The following UTP15 variants were observed in gnomAD, a reference collection of about 807,000 sequenced individuals.
UTP15 encodes the protein U3 small nucleolar RNA-associated protein 15 homolog.
UTP15 carries 5 observed loss-of-function variants against 59.1 expected under a neutral mutation model. That is an observed-to-expected ratio of 0.08 (90% CI 0.04 to 0.18). The LOEUF is 0.18. Among genes scored for constraint, UTP15 ranks in the 10% least tolerant of loss-of-function variants. The pLI is 1.00. For synonymous variants in UTP15, 211 were observed against 212.2 expected, an observed-to-expected ratio of 0.99 and a Z score of 0.05; for missense variants, 494 against 616.7, an observed-to-expected ratio of 0.80 and a Z score of 2.11.
At chr5:73,571,889 C>T (rs564015182) in intron 6 of UTP15, among the ~76,000 whole-genome samples, 3 of 152,302 alleles carry the variant, frequency 2.0e-5, no homozygotes, top group African/African-American at 7.2e-5. Context: ...AAGCTGTGTG[C>T]TGATCTCCAC....
rs1173073994 is a variant in UTP15, at chr5:73,580,508, T to G, written c.*414T>G. ...ACCTCTGGAAGACAACAAAAACAATTGGCAACAACAAAAAGCCTCTTTCTT... is the reference window on the plus strand; with the variant it reads ...ACCTCTGGAAGACAACAAAAACAATGGGCAACAACAAAAAGCCTCTTTCTT... On this transcript the variant is annotated 3_prime_UTR_variant, in exon 13 of 13. Coordinates refer to ENST00000296792, the MANE Select transcript of UTP15 (RefSeq NM_032175.4). 2 of 153,926 alleles carry G rather than the reference T, an allele frequency of 1.3e-5. No individual in the cohort carries two copies. Among genetic ancestry groups the G allele is most frequent in the Non-Finnish European group, 2.9e-5 (2 of 69,370 alleles). The allele number at this position is 153,926 out of a possible 1,614,324, so 9.5% of individuals were successfully genotyped here.
At chr5:73,571,828 G>C (rs1457279036) in intron 6 of UTP15, among the ~76,000 whole-genome samples, 1 of 152,142 alleles carries the variant, frequency 6.6e-6, no homozygotes, top group African/African-American at 2.4e-5. Flanking sequence ...TACTTTTCTT[G>C]CTGTTATTCT....
intron 7 of UTP15, among the ~76,000 whole-genome samples, chr5:73,576,214 C>T (rs187912047): frequency 8.4e-4 from 127 of 151,852 alleles, no homozygotes; most frequent in Non-Finnish European, 1.6e-3. Flanking sequence ...AAGCAATTCT[C>T]ATGCCTCAGC....
intron 8 of UTP15, 107 bp from the exon 9 acceptor site, chr5:73,577,749 G>T: frequency 2.2e-6 from 2 of 924,316 alleles, no homozygotes; most frequent in Non-Finnish European, 1.6e-6. Flanking sequence ...GGAACTGTTG[G>T]TGAATGTATG....
intron 6 of UTP15, 101 bp downstream of exon 6, chr5:73,570,812 A>G (rs1194756164): frequency 3.3e-6 from 5 of 1,497,532 alleles, no homozygotes; most frequent in Non-Finnish European, 4.6e-6. Context: ...TTTGAATTGC[A>G]TATCTAAGTC....
In UTP15 at chr5:73,580,251, C is replaced by T. The variant is rs974757443; in HGVS notation, c.*157C>T. 1.4e-5 allele frequency: 8 copies of T among 565,582 alleles called. No homozygotes were observed. The highest frequency in any genetic ancestry group is 6.9e-5 in the Admixed American group (2 of 28,812). 35.0% of individuals were successfully genotyped at this position (565,582 alleles called of 1,614,324 possible). ...TAATTATGGCCGGAAAACAAGTACC[C>T]GTTTTAAGTAAGACATGGTTTTCCA... is the stretch of plus-strand genomic sequence containing the variant. On this transcript the variant is annotated 3_prime_UTR_variant, in exon 13 of 13. Transcript: ENST00000296792.
At position 73,582,781 on chromosome 5, in the gene UTP15, C is replaced by A. The variant is rs1748362007; in HGVS notation, c.*2687C>A. 6.6e-6 allele frequency: 1 copy of A among 152,148 alleles called. No homozygotes were observed. The highest frequency in any genetic ancestry group is 1.5e-5 in the Non-Finnish European group (1 of 68,024). The allele number at this position is 152,148 out of a possible 1,614,324, so 9.4% of individuals were successfully genotyped here. Reference sequence around the variant, plus strand: ...GCATATTACAATATGTGACACTGGCCTTAAGATTCTAATTTAAAATGCTTA... The same window carrying A: ...GCATATTACAATATGTGACACTGGCATTAAGATTCTAATTTAAAATGCTTA... On this transcript the variant is annotated 3_prime_UTR_variant, in exon 13 of 13. Transcript: ENST00000296792.
Position 73,577,943 on chromosome 5 carries a change from C to G in UTP15, c.982C>G (p.Pro328Ala). The change falls in exon 9 of 13, where the codon CCC becomes GCC. Residue 328 changes from proline (P) to alanine (A), a missense_variant. By Grantham distance (27) the Pro-to-Ala change is conservative (BLOSUM62 -1). Coordinates refer to ENST00000296792, the MANE Select transcript of UTP15 (RefSeq NM_032175.4). ...RKSEAKKESLPRRRRPAYRTF... is the reference protein window; with the variant it reads ...RKSEAKKESLARRRRPAYRTF... ...ATCTGAAGCAAAGAAGGAATCACTT[C>G]CCAGAAGAAGAAGGCCTGCATATCG... The G allele has an allele frequency of 6.3e-7, 1 of 1,587,208 alleles. No individual in the cohort carries two copies. Among genetic ancestry groups the G allele is most frequent in the Non-Finnish European group, 8.5e-7 (1 of 1,172,402 alleles).
intron 7 of UTP15, among the ~76,000 whole-genome samples, chr5:73,574,394 T>A (rs1243439240): frequency 6.6e-6 from 1 of 152,058 alleles, no homozygotes; most frequent in African/African-American, 2.4e-5. Context: ...AATAAAAAAT[T>A]TAGTTTCTCA....
intron 10 of UTP15, 55 bp from the exon 11 acceptor site, chr5:73,578,962 G>C: frequency 6.3e-7 from 1 of 1,589,750 alleles, no homozygotes. Flanking sequence ...GTGCAAGACA[G>C]TGATTTTTTT....
At chr5:73,575,714 T>G (rs1205585226) in intron 7 of UTP15, among the ~76,000 whole-genome samples, 2 of 151,014 alleles carry the variant, frequency 1.3e-5, no homozygotes, top group Admixed American at 1.3e-4. Context: ...GTGCTTTCAT[T>G]GATAATTTTT....
At chr5:73,568,742 T>G (rs996567466) in intron 4 of UTP15, 138 bp downstream of exon 4, 1 of 759,524 alleles carries the variant, frequency 1.3e-6, no homozygotes, top group African/African-American at 1.8e-5. Context: ...CTGATTGTTC[T>G]AAGAGTGCTT....
chr5:73,576,930 C>A, intron 7 of UTP15, 22 bp from the exon 8 acceptor site: 3 of 1,540,812 alleles, frequency 1.9e-6, no homozygotes, highest in Non-Finnish European at 2.6e-6. Flanking sequence ...TGATTTTTGA[C>A]AAAGCTTTTC....
At chr5:73,569,304 G>A (rs1561275776) in intron 4 of UTP15, among the ~76,000 whole-genome samples, 193 bp from the exon 5 acceptor site, 1 of 151,706 alleles carries the variant, frequency 6.6e-6, no homozygotes, top group African/African-American at 2.4e-5. Context: ...CAATATAGGA[G>A]TATTTACACT....
chr5:73,572,666 C>G lies in UTP15; in HGVS notation c.809+42C>G, dbSNP rs199690197. 4.5e-5 allele frequency: 70 copies of G among 1,563,220 alleles called. No individual in the cohort carries two copies. The Admixed American group carries it at 1.3e-3, about 28-fold the overall frequency. ...TTTTGTATATTATTATTAGTGTACA[C>G]CTGTTTACTGCTTGAGGAAATGAGT... On this transcript the variant is annotated intron_variant, in intron 7 of 12. Coordinates refer to ENST00000296792, the MANE Select transcript of UTP15 (RefSeq NM_032175.4).
At position 73,580,210 on chromosome 5, in the gene UTP15, G is replaced by A. The variant is rs343120; in HGVS notation, c.*116G>A. ...AAAAACTGTTTGCAGAAGCAGTTCTGTGGAAGAGACTGGAATAATTATGGC... is the reference window on the plus strand; with the variant it reads ...AAAAACTGTTTGCAGAAGCAGTTCTATGGAAGAGACTGGAATAATTATGGC... On this transcript the variant is annotated 3_prime_UTR_variant, in exon 13 of 13. Transcript: ENST00000296792. The A allele has an allele frequency of 0.28, 227,256 of 812,698 alleles. 34,348 individuals carry two copies. Among genetic ancestry groups the A allele is most frequent in the African/African-American group, 0.52 (29,423 of 56,998 alleles). The allele number at this position is 812,698 out of a possible 1,614,324, so 50.3% of individuals were successfully genotyped here.
intron 12 of UTP15, among the ~76,000 whole-genome samples, 181 bp downstream of exon 12, chr5:73,579,556 G>A (rs1748235843): frequency 6.6e-6 from 1 of 152,110 alleles, no homozygotes; most frequent in African/African-American, 2.4e-5. Context: ...TTATAGTGGT[G>A]TGACTTTGAA....
chr5:73,578,657 C>T (rs549108046), intron 9 of UTP15, 94 bp from the exon 10 acceptor site: 2 of 1,026,588 alleles, frequency 1.9e-6, no homozygotes, highest in South Asian at 2.9e-5. Context: ...TGACATAGTT[C>T]AGAGATACCA....
chr5:73,576,158 G>T (rs1004842525), intron 7 of UTP15, among the ~76,000 whole-genome samples: 1 of 151,826 alleles, frequency 6.6e-6, no homozygotes, highest in African/African-American at 2.4e-5. Flanking sequence ...AGGCTGGAGG[G>T]CAGTGGCACG....
Sources: gnomAD v4.1 joint callset for allele counts (sites outside exome capture counted in the v4.1 genomes callset) on GRCh38, gnomAD v4.1.1 for gene constraint, MANE v1.5 for transcripts, NCBI Gene and HGNC (gene_info 2026-07-23, HGNC 2026-07-21) for gene names.